GTF2F2: variants seen among roughly 807,000 people sequenced by gnomAD.
The protein encoded by GTF2F2 is ATP-dependent helicase GTF2F2.
A neutral mutation model predicts 42.2 loss-of-function variants in GTF2F2; 23 were observed. The ratio of observed to expected loss-of-function variants is 0.55; its 90% CI spans 0.39 to 0.77. The LOEUF is 0.77. GTF2F2 is among the 30% of genes least tolerant of loss of function. The probability of loss-of-function intolerance (pLI) is 0.00; values close to 1 mark genes in which losing one functional copy is unlikely to be tolerated. For missense variants in GTF2F2, 261 were observed against 287.2 expected, an observed-to-expected ratio of 0.91 and a Z score of 0.66; for synonymous variants, 105 against 100.8, an observed-to-expected ratio of 1.04 and a Z score of -0.25.
chr13:45,134,359 C>T (rs1869509639), intron 1 of GTF2F2, among the ~76,000 whole-genome samples: 3 of 152,042 alleles, frequency 2.0e-5, no homozygotes, highest in Admixed American at 2.0e-4. Flanking sequence ...TTATGCTCTT[C>T]GGGAGCTGCC....
chr13:45,132,505 G>A (rs953361521), intron 1 of GTF2F2, among the ~76,000 whole-genome samples: 1 of 151,614 alleles, frequency 6.6e-6, no homozygotes, highest in African/African-American at 2.4e-5. Context: ...AAATCAGAGT[G>A]TGCACACTGA....
intron 5 of GTF2F2, among the ~76,000 whole-genome samples, chr13:45,239,342 G>A (rs1875163089): frequency 6.6e-6 from 1 of 152,222 alleles, no homozygotes; most frequent in Non-Finnish European, 1.5e-5. Flanking sequence ...ACTGTTTAGT[G>A]GAAATCTTGT....
At chr13:45,150,421 A>T (rs997230071) in intron 3 of GTF2F2, among the ~76,000 whole-genome samples, 1 of 152,228 alleles carries the variant, frequency 6.6e-6, no homozygotes, top group Non-Finnish European at 1.5e-5. Flanking sequence ...ATTAAGACAT[A>T]CAAAATAAAT....
chr13:45,211,365 AT>A (rs1053518430), intron 5 of GTF2F2, among the ~76,000 whole-genome samples: 1 of 144,148 alleles, frequency 6.9e-6, no homozygotes, highest in Non-Finnish European at 1.5e-5. Flanking sequence ...GAGGCTCAAA[AT>A]TTTTTTTGTT....
intron 4 of GTF2F2, among the ~76,000 whole-genome samples, chr13:45,181,395 CAG>C (rs572222839): frequency 8.4e-4 from 127 of 151,994 alleles, no homozygotes; most frequent in African/African-American, 2.2e-3. Context: ...AATAATGAGT[CAG>C]AGTAAAAGAG....
At chr13:45,220,935 G>A (rs1566139626) in intron 5 of GTF2F2, 3 of 136,000 alleles carry the variant, frequency 2.2e-5, no homozygotes, top group African/African-American at 3.0e-5. Context: ...TGCTTAAAAT[G>A]TATGTGTGTG....
intron 5 of GTF2F2, among the ~76,000 whole-genome samples, chr13:45,244,952 C>T (rs1048899967): frequency 6.6e-6 from 1 of 152,164 alleles, no homozygotes; most frequent in Non-Finnish European, 1.5e-5. Context: ...CATGAGCCAC[C>T]GTGCCCAGCT....
chr13:45,240,101 A>ATTTT (rs34744288), intron 5 of GTF2F2, among the ~76,000 whole-genome samples: 2,171 of 90,708 alleles, frequency 0.024, 143 homozygotes, highest in African/African-American at 0.039. Flanking sequence ...ATGTAGAGGG[A>ATTTT]TTTTTTTTTT....
chr13:45,246,925 C>A (rs1487518877), intron 5 of GTF2F2, among the ~76,000 whole-genome samples: 1 of 151,768 alleles, frequency 6.6e-6, no homozygotes, highest in African/African-American at 2.4e-5. Flanking sequence ...GTAGTCCCAG[C>A]TACTTGGGAA....
chr13:45,124,606 C>T (rs953794493), intron 1 of GTF2F2, among the ~76,000 whole-genome samples: 1 of 151,942 alleles, frequency 6.6e-6, no homozygotes, highest in African/African-American at 2.4e-5. Context: ...ACCCGGTCAC[C>T]CAGGCTGGTG....
At chr13:45,196,484 A>G (rs1872896918) in intron 4 of GTF2F2, among the ~76,000 whole-genome samples, 1 of 152,236 alleles carries the variant, frequency 6.6e-6, no homozygotes, top group Admixed American at 6.5e-5. Context: ...GGGAGAAGGG[A>G]TACAACTCTG....
intron 5 of GTF2F2, among the ~76,000 whole-genome samples, chr13:45,252,024 C>T (rs553646983): frequency 3.3e-5 from 5 of 152,126 alleles, no homozygotes; most frequent in African/African-American, 4.8e-5. Flanking sequence ...ATAAGCCTTG[C>T]TATACTTAAT....
intron 2 of GTF2F2, among the ~76,000 whole-genome samples, chr13:45,141,040 A>C (rs1405482420): frequency 6.6e-6 from 1 of 152,258 alleles, no homozygotes; most frequent in Non-Finnish European, 1.5e-5. Flanking sequence ...GCATTTGTTA[A>C]AATATTTGTA....
chr13:45,125,465 G>A (rs61947805), intron 1 of GTF2F2, among the ~76,000 whole-genome samples: 11 of 152,014 alleles, frequency 7.2e-5, no homozygotes, highest in African/African-American at 2.2e-4. Flanking sequence ...GGCTACAGGC[G>A]CGGGCCACCA....
chr13:45,256,430 A>G (rs1488138695), intron 6 of GTF2F2, among the ~76,000 whole-genome samples: 1 of 152,172 alleles, frequency 6.6e-6, no homozygotes, highest in Non-Finnish European at 1.5e-5. Flanking sequence ...CCCTCTATAA[A>G]GATAATTAAC....
intron 5 of GTF2F2, among the ~76,000 whole-genome samples, chr13:45,229,286 T>G (rs1173188089): frequency 2.0e-5 from 3 of 152,054 alleles, no homozygotes; most frequent in Admixed American, 6.6e-5. Context: ...CCACCCTTTT[T>G]TTTGCCCCTT....
At chr13:45,212,459 C>CTTTTCTTTTCTTTCT (rs55758635) in intron 5 of GTF2F2, among the ~76,000 whole-genome samples, 1 of 79,290 alleles carries the variant, frequency 1.3e-5, no homozygotes, top group Admixed American at 1.3e-4. Context: ...TTCTTTCTTT[C>CTTTTCTTTTCTTTCT]TTTCTTTCTT....
intron 2 of GTF2F2, among the ~76,000 whole-genome samples, chr13:45,137,066 G>A (rs1593448624): frequency 6.6e-6 from 1 of 152,186 alleles, no homozygotes; most frequent in African/African-American, 2.4e-5. Context: ...TAATGGCGGT[G>A]AAGCAGCAGA....
At chr13:45,127,719 G>A (rs1215855870) in intron 1 of GTF2F2, among the ~76,000 whole-genome samples, 5 of 151,778 alleles carry the variant, frequency 3.3e-5, no homozygotes, top group South Asian at 2.1e-4. Flanking sequence ...TACAACCTCC[G>A]CCTCCTGGGT....
Sources: gnomAD v4.1 joint callset for allele counts (sites outside exome capture counted in the v4.1 genomes callset) on GRCh38, gnomAD v4.1.1 for gene constraint, MANE v1.5 for transcripts, NCBI Gene and HGNC (gene_info 2026-07-23, HGNC 2026-07-21) for gene names.